Variants in PCCA observed in about 807,000 individuals in gnomAD.
PCCA encodes propionyl-CoA carboxylase subunit alpha.
A neutral mutation model predicts 101.3 loss-of-function variants in PCCA; 74 were observed. The observed-to-expected ratio is 0.73, with a 90% CI of 0.61 to 0.89. PCCA has a LOEUF of 0.89. PCCA is among the 40% of genes least tolerant of loss of function. The pLI is 0.00. For synonymous variants in PCCA, 294 were observed against 313.6 expected, an observed-to-expected ratio of 0.94 and a Z score of 0.66; for missense variants, 891 against 907.0, an observed-to-expected ratio of 0.98 and a Z score of 0.23.
intron 7 of PCCA, among the ~76,000 whole-genome samples, chr13:100,234,014 A>G (rs1472383108): frequency 1.3e-5 from 2 of 152,218 alleles, no homozygotes; most frequent in Admixed American, 6.5e-5. Context: ...TAGTTCTCTC[A>G]AGTGATGAAC....
intron 19 of PCCA, among the ~76,000 whole-genome samples, chr13:100,378,683 T>C (rs1038144708): frequency 2.0e-5 from 3 of 152,154 alleles, no homozygotes; most frequent in Non-Finnish European, 2.9e-5. Flanking sequence ...TCTTCATGCT[T>C]TGAGATTCTT....
intron 7 of PCCA, among the ~76,000 whole-genome samples, chr13:100,218,369 A>G (rs2059634990): frequency 6.7e-6 from 1 of 148,978 alleles, no homozygotes; most frequent in East Asian, 2.0e-4. Flanking sequence ...TGTATTTAGC[A>G]GAGACGGGTT....
At chr13:100,283,760 G>A (rs1484130854) in intron 12 of PCCA, among the ~76,000 whole-genome samples, 2 of 152,242 alleles carry the variant, frequency 1.3e-5, no homozygotes, top group African/African-American at 4.8e-5. Context: ...AACCTTGGTG[G>A]TTCAGAGAGG....
At chr13:100,270,896 C>T (rs1008122273) in intron 11 of PCCA, among the ~76,000 whole-genome samples, 1 of 152,082 alleles carries the variant, frequency 6.6e-6, no homozygotes, top group Admixed American at 6.5e-5. Context: ...ATAGTTCCAG[C>T]TACTTGGGAG....
At chr13:100,216,930 G>A (rs538287201) in intron 7 of PCCA, among the ~76,000 whole-genome samples, 5 of 151,708 alleles carry the variant, frequency 3.3e-5, no homozygotes, top group East Asian at 2.0e-4. Context: ...TCAACATGGC[G>A]AAACCCCGTC....
chr13:100,109,657 C>A (rs1389867209), intron 2 of PCCA, among the ~76,000 whole-genome samples: 1 of 152,134 alleles, frequency 6.6e-6, no homozygotes, highest in African/African-American at 2.4e-5. Context: ...CATTCTCAGA[C>A]CTGAGATGTG....
intron 16 of PCCA, among the ~76,000 whole-genome samples, chr13:100,327,749 C>G (rs1398308970): frequency 2.6e-5 from 4 of 152,160 alleles, no homozygotes; most frequent in African/African-American, 9.7e-5. Context: ...TTCACTTTGG[C>G]CATGTAAATC....
intron 22 of PCCA, among the ~76,000 whole-genome samples, chr13:100,520,600 A>C (rs911209351): frequency 7.8e-6 from 1 of 128,602 alleles, no homozygotes; most frequent in Non-Finnish European, 1.5e-5. Context: ...GCGCCACAGC[A>C]CTCCAGCCTG....
At chr13:100,188,747 C>CA (rs2057514729) in intron 6 of PCCA, among the ~76,000 whole-genome samples, 1 of 152,094 alleles carries the variant, frequency 6.6e-6, no homozygotes, top group Non-Finnish European at 1.5e-5. Context: ...TGATTATGGC[C>CA]ATTCTTGCAG....
chr13:100,279,953 A>G (rs894326931), intron 12 of PCCA, among the ~76,000 whole-genome samples: 5 of 149,394 alleles, frequency 3.3e-5, no homozygotes, highest in Non-Finnish European at 7.4e-5. Flanking sequence ...TTTCTTTGAA[A>G]TTTCCTGATT....
intron 19 of PCCA, among the ~76,000 whole-genome samples, chr13:100,410,068 G>A (rs542084608): frequency 8.0e-4 from 122 of 151,818 alleles, no homozygotes; most frequent in African/African-American, 2.8e-3. Context: ...CCTGTCACCC[G>A]TACTTGTGAT....
Position 100,344,574 on chromosome 13 carries a change from G to A in PCCA, c.1643+4315G>A, listed in dbSNP as rs979496489. On this transcript the variant is annotated intron_variant, in intron 18 of 23. Transcript: ENST00000376285. ...GCACACAGTTTTAGACTTCAACGGT[G>A]TTCCTTAATGTGTGCTCCATAGAGC... Among the ~76,000 whole-genome samples the A allele has an allele frequency of 8.5e-5, 13 of 152,176 alleles. 1 individual carries two copies. The highest frequency in any genetic ancestry group is 6.5e-5 in the Admixed American group (1 of 15,280).
intron 6 of PCCA, among the ~76,000 whole-genome samples, chr13:100,179,076 CAAAAA>C (rs57393133): frequency 4.4e-5 from 6 of 135,176 alleles, no homozygotes; most frequent in African/African-American, 1.4e-4. Flanking sequence ...GACTCCTTCT[CAAAAA>C]AAAAAAAAAA....
intron 4 of PCCA, among the ~76,000 whole-genome samples, chr13:100,127,707 A>G (rs1398015667): frequency 6.6e-6 from 1 of 151,634 alleles, no homozygotes; most frequent in Admixed American, 6.6e-5. Flanking sequence ...CCTGGCTAAC[A>G]CAGTGAAACC....
rs1455455778 is a variant in PCCA at position 100,424,229 on chromosome 13, G to A, written c.1747-1404G>A. ...GATGATTCAATATATGGAAGAATGT[G>A]CCTGGGTTAGATGCAAATACTACAC... On this transcript the variant is annotated intron_variant, in intron 19 of 23. Coordinates refer to ENST00000376285, the MANE Select transcript of PCCA (RefSeq NM_000282.4). Among the ~76,000 whole-genome samples the A allele has an allele frequency of 4.6e-5, 7 of 152,162 alleles. No individual in the cohort carries two copies. In the East Asian group the frequency reaches 1.2e-3, roughly 25 times the overall value.
At position 100,121,250 on chromosome 13, in the gene PCCA, G is replaced by C. The variant is rs918385437; in HGVS notation, c.300+9189G>C. Among the ~76,000 whole-genome samples the C allele has an allele frequency of 1.7e-4, 25 of 147,782 alleles. 1 individual carries two copies. In the Admixed American group the frequency reaches 1.7e-3, roughly 10 times the overall value. ...TGGCCCACTGCAACCTCCACCTCCCGGGGGTCAAGTGATTCTCCTGCCTCA... is the reference window on the plus strand; with the variant it reads ...TGGCCCACTGCAACCTCCACCTCCCCGGGGTCAAGTGATTCTCCTGCCTCA... On this transcript the variant is annotated intron_variant, in intron 4 of 23. Coordinates refer to ENST00000376285, the MANE Select transcript of PCCA (RefSeq NM_000282.4).
intron 12 of PCCA, among the ~76,000 whole-genome samples, chr13:100,287,817 G>GTT (rs11462726): frequency 7.2e-5 from 11 of 151,948 alleles, no homozygotes; most frequent in Admixed American, 2.0e-4. Context: ...AAGTTAGGGG[G>GTT]TTTTTTTAAT....
chr13:100,240,979 A>G (rs1026466321), intron 8 of PCCA, among the ~76,000 whole-genome samples: 2 of 152,016 alleles, frequency 1.3e-5, no homozygotes, highest in East Asian at 1.9e-4. Flanking sequence ...TGAACATACT[A>G]TTTCCCTGGA....
At chr13:100,353,838 T>A (rs1482098274) in intron 18 of PCCA, among the ~76,000 whole-genome samples, 1 of 151,712 alleles carries the variant, frequency 6.6e-6, no homozygotes, top group Non-Finnish European at 1.5e-5. Flanking sequence ...CTATAGTCCT[T>A]GCTACTTGGG....
Sources: gnomAD v4.1 joint callset for allele counts (sites outside exome capture counted in the v4.1 genomes callset) on GRCh38, gnomAD v4.1.1 for gene constraint, MANE v1.5 for transcripts, NCBI Gene and HGNC (gene_info 2026-07-23, HGNC 2026-07-21) for gene names.